Variants in TMEM132D observed in about 807,000 individuals in gnomAD.
TMEM132D encodes transmembrane protein 132D.
TMEM132D carries 21 observed loss-of-function variants against 62.3 expected under a neutral mutation model. That is an observed-to-expected ratio of 0.34 (90% CI 0.24 to 0.49). The LOEUF is 0.49. Among genes scored for constraint, TMEM132D ranks in the 20% least tolerant of loss-of-function variants. The probability of loss-of-function intolerance (pLI) is 0.99; values close to 1 mark genes in which losing one functional copy is unlikely to be tolerated. For missense variants in TMEM132D, 1,346 were observed against 1,402.8 expected (o/e 0.96, Z 0.65); for synonymous variants, 621 against 575.6 (o/e 1.08, Z -1.13).
At chr12:129,868,078 G>A (rs1874115541) in intron 1 of TMEM132D, among the ~76,000 whole-genome samples, 1 of 152,164 alleles carries the variant, frequency 6.6e-6, no homozygotes, top group Admixed American at 6.5e-5. Flanking sequence ...ACACACATGA[G>A]GCAGCATTTC....
At chr12:129,555,014 C>G (rs2137108804) in intron 2 of TMEM132D, among the ~76,000 whole-genome samples, 1 of 152,324 alleles carries the variant, frequency 6.6e-6, no homozygotes, top group South Asian at 2.1e-4. Context: ...CATATTCTCC[C>G]CAGCTATTTT....
At position 129,398,000 on chromosome 12, in the gene TMEM132D, G is replaced by A. The variant is rs543062294; in HGVS notation, c.1116-60183C>T. On this transcript the variant is annotated intron_variant, in intron 3 of 8. Coordinates refer to ENST00000422113, the MANE Select transcript of TMEM132D (RefSeq NM_133448.3). The stretch of plus-strand genomic sequence containing the variant: ...TGTATGTAGCATCTGAAAGTTAGGT[G>A]CTTCAGTTCTCTCAGCCAGACCCAA... Among the ~76,000 whole-genome samples, 4 of 152,306 alleles carry A rather than the reference G, an allele frequency of 2.6e-5. No homozygotes were observed. In the South Asian group the frequency reaches 8.3e-4, roughly 32 times the overall value.
At position 129,371,704 on chromosome 12, in the gene TMEM132D, T is replaced by C. The variant is rs1593355094; in HGVS notation, c.1116-33887A>G. ...GATGGTGACAATGATGATGTGATGA[T>C]AGTGATGGTGATGATGATGGGGTGT... On this transcript the variant is annotated intron_variant, in intron 3 of 8. Transcript: ENST00000422113. This position sits in a 1 kb window ranked among gnomAD's most constrained non-coding sequence, Gnocchi z 4.3. Among the ~76,000 whole-genome samples, 1 of 151,902 alleles carries C rather than the reference T, an allele frequency of 6.6e-6. No homozygotes were observed. Among genetic ancestry groups the C allele is most frequent in the Non-Finnish European group, 1.5e-5 (1 of 67,988 alleles).
intron 2 of TMEM132D, among the ~76,000 whole-genome samples, chr12:129,620,758 G>T (rs1317598407): frequency 6.6e-6 from 1 of 152,154 alleles, no homozygotes; most frequent in Non-Finnish European, 1.5e-5. Context: ...ACTTAAAAGT[G>T]GGAGCTGAAC....
intron 5 of TMEM132D, among the ~76,000 whole-genome samples, chr12:129,192,711 T>G (rs1423876476): frequency 6.6e-6 from 1 of 152,220 alleles, no homozygotes; most frequent in Admixed American, 6.5e-5. Context: ...GGTGAGATTT[T>G]GTGGCACAAA....
At chr12:129,457,752 A>C (rs1256239909) in intron 3 of TMEM132D, among the ~76,000 whole-genome samples, 1 of 152,060 alleles carries the variant, frequency 6.6e-6, no homozygotes, top group East Asian at 1.9e-4. Flanking sequence ...GAGAGTGAAG[A>C]GGGAGGTGCC....
chr12:129,082,068 T>C, intron 6 of TMEM132D, 36 bp from the exon 7 acceptor site: 1 of 1,566,826 alleles, frequency 6.4e-7, no homozygotes, highest in Non-Finnish European at 8.7e-7. Flanking sequence ...AGACAGTTAC[T>C]TGTTGGTCCT....
intron 3 of TMEM132D, among the ~76,000 whole-genome samples, chr12:129,414,174 T>C (rs1340094854): frequency 1.3e-5 from 2 of 152,250 alleles, no homozygotes; most frequent in African/African-American, 4.8e-5. Context: ...TTTTTCTTCT[T>C]AGCACTTATT....
At chr12:129,545,526 C>A (rs1165325172) in intron 2 of TMEM132D, among the ~76,000 whole-genome samples, 1 of 152,062 alleles carries the variant, frequency 6.6e-6, no homozygotes, top group African/African-American at 2.4e-5. Context: ...TAGAGTATTG[C>A]TGACTATAGG....
chr12:129,216,498 C>T (rs184638785), intron 4 of TMEM132D, among the ~76,000 whole-genome samples: 1 of 152,184 alleles, frequency 6.6e-6, no homozygotes, highest in East Asian at 1.9e-4. Flanking sequence ...TTGGGGTGAT[C>T]CATCCGTAAG....
intron 1 of TMEM132D, among the ~76,000 whole-genome samples, chr12:129,740,317 T>C (rs1221035476): frequency 6.6e-6 from 1 of 152,208 alleles, no homozygotes; most frequent in South Asian, 2.1e-4. Context: ...CAGGTCTCTA[T>C]ATCTTAAGAA....
At chr12:129,845,138 C>T (rs958419760) in intron 1 of TMEM132D, among the ~76,000 whole-genome samples, 18 of 152,104 alleles carry the variant, frequency 1.2e-4, no homozygotes, top group Middle Eastern at 3.2e-3. Context: ...GAAAAACATA[C>T]GTACTCAAGG....
intron 1 of TMEM132D, among the ~76,000 whole-genome samples, chr12:129,826,766 G>A (rs1016035720): frequency 6.6e-6 from 1 of 152,180 alleles, no homozygotes; most frequent in African/African-American, 2.4e-5. Context: ...CAGGGTCAGA[G>A]GCCTGAGACA....
At chr12:129,736,380 T>C (rs1353636253) in intron 1 of TMEM132D, among the ~76,000 whole-genome samples, 1 of 152,202 alleles carries the variant, frequency 6.6e-6, no homozygotes, top group Non-Finnish European at 1.5e-5. Context: ...ATCTGAAATA[T>C]TGCTCTTACC....
intron 3 of TMEM132D, among the ~76,000 whole-genome samples, chr12:129,420,300 T>C (rs11060332): frequency 0.38 from 54,417 of 141,510 alleles, 11,545 homozygotes; most frequent in Non-Finnish European, 0.48. Flanking sequence ...TTATTGCACG[T>C]TCTCTGTTTT....
At chr12:129,369,318 T>C (rs141439212) in intron 3 of TMEM132D, among the ~76,000 whole-genome samples, 3 of 151,832 alleles carry the variant, frequency 2.0e-5, no homozygotes, top group South Asian at 2.1e-4. Flanking sequence ...TAATCGATGA[T>C]CCACCTCTTT....
chr12:129,716,846 A>C (rs1347081108), intron 1 of TMEM132D, among the ~76,000 whole-genome samples: 1 of 152,218 alleles, frequency 6.6e-6, no homozygotes, highest in African/African-American at 2.4e-5. Flanking sequence ...TTTGCTACAG[A>C]ACCAATAGAA....
chr12:129,079,638 G>T (rs1362627839), intron 7 of TMEM132D, among the ~76,000 whole-genome samples: 1 of 152,114 alleles, frequency 6.6e-6, no homozygotes, highest in Non-Finnish European at 1.5e-5. Context: ...AGTTTTTGGT[G>T]ATATTTATGA....
intron 2 of TMEM132D, among the ~76,000 whole-genome samples, chr12:129,611,513 C>T (rs1878773952): frequency 6.6e-6 from 1 of 152,076 alleles, no homozygotes; most frequent in African/African-American, 2.4e-5. Context: ...GGGCCCAAGG[C>T]ATATTTTAAG....
Sources: gnomAD v4.1 joint callset for allele counts (sites outside exome capture counted in the v4.1 genomes callset) on GRCh38, gnomAD v4.1.1 for gene constraint, Gnocchi (gnomAD v3.1) non-coding constraint, MANE v1.5 for transcripts, NCBI Gene and HGNC (gene_info 2026-07-23, HGNC 2026-07-21) for gene names.